The following UBE2D4 variants were observed in gnomAD, a reference collection of about 807,000 sequenced individuals.
UBE2D4 encodes ubiquitin-conjugating enzyme E2 D4.
Under a neutral mutation model 23.0 loss-of-function variants are expected in UBE2D4, and 17 were observed. The observed-to-expected ratio is 0.74, with a 90% CI of 0.51 to 1.11. The LOEUF (loss-of-function observed/expected upper bound fraction) is 1.11. UBE2D4 is among the 50% of genes least tolerant of loss of function. The pLI, the probability that UBE2D4 is intolerant of heterozygous loss-of-function variation, is 0.00. For missense variants in UBE2D4, 139 were observed against 181.8 expected, an observed-to-expected ratio of 0.76 and a Z score of 1.35; for synonymous variants, 61 against 69.4, an observed-to-expected ratio of 0.88 and a Z score of 0.60.
rs57093593 is a variant in UBE2D4 at position 43,932,984 on chromosome 7, G to GTATATATATATA, written c.25-5428_25-5417dup. 7.0e-4 allele frequency among the ~76,000 whole-genome samples: 60 copies of GTATATATATATA among 85,800 alleles called. 1 individual carries two copies. Among genetic ancestry groups the GTATATATATATA allele is most frequent in the African/African-American group, 2.2e-3 (50 of 22,794 alleles). 56.3% of individuals were successfully genotyped at this position (85,800 alleles called of 152,430 possible). A position where few individuals can be genotyped will look rare whatever the true frequency, so the allele number is the denominator to read the frequency against. On this transcript the variant is annotated intron_variant, in intron 1 of 6. Coordinates refer to ENST00000222402, the MANE Select transcript of UBE2D4 (RefSeq NM_015983.4). ...CCTCCTGGGGGCAACAAATGTTAAA[G>GTATATATATATA]TATATATATATATATATATATATAT...
intron 1 of UBE2D4, 45 bp downstream of exon 1, chr7:43,926,601 C>A: frequency 1.3e-6 from 2 of 1,540,672 alleles, no homozygotes; most frequent in Non-Finnish European, 1.7e-6. Context: ...TCCGAAGCGT[C>A]GAGGTGTGGG....
chr7:43,932,984 G>GTGTA (rs2095949419), intron 1 of UBE2D4, among the ~76,000 whole-genome samples: 1 of 85,794 alleles, frequency 1.2e-5, no homozygotes, highest in Admixed American at 1.1e-4. Context: ...AAATGTTAAA[G>GTGTA]TATATATATA....
chr7:43,932,965 G>C (rs4724259), intron 1 of UBE2D4, among the ~76,000 whole-genome samples: 1 of 134,370 alleles, frequency 7.4e-6, no homozygotes, highest in African/African-American at 2.9e-5. Context: ...TTCCCCTCCT[G>C]GGGGCAACAA....
chr7:43,929,743 TTAA>T (rs1186278897), intron 1 of UBE2D4, among the ~76,000 whole-genome samples: 1 of 152,260 alleles, frequency 6.6e-6, no homozygotes. Context: ...CAGGAAATTC[TTAA>T]TAATTATCGA....
At chr7:43,934,056 A>G (rs944188616) in intron 1 of UBE2D4, among the ~76,000 whole-genome samples, 3 of 152,236 alleles carry the variant, frequency 2.0e-5, no homozygotes, top group African/African-American at 7.2e-5. Flanking sequence ...CAGAAACAGG[A>G]CAACGACGAG....
intron 1 of UBE2D4, among the ~76,000 whole-genome samples, chr7:43,933,064 T>TAC (rs1324953963): frequency 4.1e-5 from 6 of 146,156 alleles, no homozygotes; most frequent in Admixed American, 1.4e-4. Context: ...ATAACATATA[T>TAC]ACACACATAT....
At position 43,955,054 on chromosome 7, in the gene UBE2D4, G is replaced by A. The variant is rs1295310350; in HGVS notation, c.*2359G>A. On this transcript the variant is annotated 3_prime_UTR_variant, in exon 7 of 7. Transcript: ENST00000222402. ...ATTCACTCACCCATTGAAGCCTAAG[G>A]TGGCTTTGTACCTTCCAGATCTCTC... 1 of 152,200 alleles carries A rather than the reference G, an allele frequency of 6.6e-6. No individual in the cohort carries two copies. Among genetic ancestry groups the A allele is most frequent in the African/African-American group, 2.4e-5 (1 of 41,436 alleles). 9.4% of individuals were successfully genotyped at this position (152,200 alleles called of 1,614,324 possible).
At chr7:43,927,818 T>A (rs2095936143) in intron 1 of UBE2D4, among the ~76,000 whole-genome samples, 1 of 152,220 alleles carries the variant, frequency 6.6e-6, no homozygotes, top group African/African-American at 2.4e-5. Context: ...AATTAAATGC[T>A]ATGAAATGTG....
intron 5 of UBE2D4, chr7:43,948,970 A>G (rs1321509616): frequency 8.2e-6 from 4 of 489,442 alleles, no homozygotes; most frequent in Middle Eastern, 4.8e-4. Flanking sequence ...GGTGTGCTCA[A>G]GACTGTCACA....
chr7:43,943,125 C>A, intron 4 of UBE2D4, 94 bp downstream of exon 4: 1 of 1,284,986 alleles, frequency 7.8e-7, no homozygotes, highest in Non-Finnish European at 1.1e-6. Context: ...AAGAGCTGTA[C>A]GTGGGGTTTC....
intron 1 of UBE2D4, among the ~76,000 whole-genome samples, chr7:43,932,837 G>GA (rs922960922): frequency 1.5e-4 from 23 of 149,894 alleles, no homozygotes; most frequent in Admixed American, 6.6e-4. Context: ...AATAATAATA[G>GA]AAAAAAAGAA....
chr7:43,938,035 G>C (rs2095962271), intron 1 of UBE2D4, among the ~76,000 whole-genome samples: 1 of 152,034 alleles, frequency 6.6e-6, no homozygotes. Context: ...CCTTCTCCCA[G>C]AACTCTCTCC....
rs533432428 is a variant in UBE2D4, at chr7:43,952,950, ATCTC to A, written c.*263_*266del. Reference sequence around the variant, plus strand: ...CTGCAGTCTTCCTGGTGACACTGGAATCTCTCTCTCTGCCGCCTCAGTTTGTCTG... The same window carrying A: ...CTGCAGTCTTCCTGGTGACACTGGAATCTCTCTGCCGCCTCAGTTTGTCTG... On this transcript the variant is annotated 3_prime_UTR_variant, in exon 7 of 7. Transcript: ENST00000222402. The A allele has an allele frequency of 1.4e-5, 6 of 440,132 alleles. No individual in the cohort carries two copies. Among genetic ancestry groups the A allele is most frequent in the African/African-American group, 8.1e-5 (4 of 49,540 alleles). The allele number at this position is 440,132 out of a possible 1,614,324, so 27.3% of individuals were successfully genotyped here.
At chr7:43,936,494 T>C in intron 1 of UBE2D4, among the ~76,000 whole-genome samples, 1 of 152,264 alleles carries the variant, frequency 6.6e-6, no homozygotes, top group South Asian at 2.1e-4. Flanking sequence ...TAATAAAATA[T>C]TTATATATTT....
intron 2 of UBE2D4, chr7:43,942,456 G>C: frequency 2.5e-6 from 1 of 406,846 alleles, no homozygotes; most frequent in South Asian, 2.6e-5. Flanking sequence ...TCTGAATACG[G>C]AGGCTCCAGT....
In UBE2D4 at chr7:43,938,111, A is replaced by C. The variant is rs990287012; in HGVS notation, c.25-320A>C. On this transcript the variant is annotated intron_variant, in intron 1 of 6. Coordinates refer to ENST00000222402, the MANE Select transcript of UBE2D4 (RefSeq NM_015983.4). ...GGGGATGTCCTCTACCTGAGGAGGTAGGAGGCTAGGCTTGGGGGTAAGGCA... is the reference window on the plus strand; with the variant it reads ...GGGGATGTCCTCTACCTGAGGAGGTCGGAGGCTAGGCTTGGGGGTAAGGCA... Among the ~76,000 whole-genome samples, 7 of 152,126 alleles carry C rather than the reference A, an allele frequency of 4.6e-5. No homozygotes were observed. In the South Asian group the frequency reaches 1.4e-3, roughly 31 times the overall value.
chr7:43,955,098 A>C lies in UBE2D4; in HGVS notation c.*2403A>C, dbSNP rs1299878382. ...ATCTCTCAGCAAATCCCCTGGGCAG[A>C]AATGTCACCTGCTTGCCATGTCTTT... On this transcript the variant is annotated 3_prime_UTR_variant, in exon 7 of 7. Transcript: ENST00000222402. The C allele has an allele frequency of 2.0e-5, 3 of 152,220 alleles. No individual in the cohort carries two copies. The highest frequency in any genetic ancestry group is 7.2e-5 in the African/African-American group (3 of 41,456). The allele number at this position is 152,220 out of a possible 1,614,324, so 9.4% of individuals were successfully genotyped here.
chr7:43,952,565 C>T, intron 6 of UBE2D4, 85 bp from the exon 7 acceptor site: 1 of 1,204,018 alleles, frequency 8.3e-7, no homozygotes, highest in Non-Finnish European at 1.2e-6. Flanking sequence ...CAGCATTCCC[C>T]ACATCAGTCC....
intron 3 of UBE2D4, 45 bp from the exon 4 acceptor site, chr7:43,942,909 G>A: frequency 6.2e-7 from 1 of 1,614,104 alleles, no homozygotes; most frequent in Non-Finnish European, 8.5e-7. Flanking sequence ...TTGCACTTTG[G>A]GCTTAGCACA....
Sources: gnomAD v4.1 joint callset for allele counts (sites outside exome capture counted in the v4.1 genomes callset) on GRCh38, gnomAD v4.1.1 for gene constraint, MANE v1.5 for transcripts, NCBI Gene and HGNC (gene_info 2026-07-23, HGNC 2026-07-21) for gene names.